The following NBAS variants were observed in gnomAD, a reference collection of about 807,000 sequenced individuals.
NBAS encodes NBAS subunit of NRZ tethering complex.
NBAS carries 219 observed loss-of-function variants against 302.5 expected under a neutral mutation model. That is an observed-to-expected ratio of 0.72 (90% CI 0.65 to 0.81). The LOEUF (loss-of-function observed/expected upper bound fraction) is 0.81, where lower values mean the gene tolerates loss of function less well. Ranked by LOEUF, NBAS falls within the 30% of genes least tolerant of loss-of-function variation. NBAS has a pLI of 0.00. For missense variants in NBAS, 2,932 were observed against 2,841.6 expected (o/e 1.03, Z -0.72); for synonymous variants, 1,118 against 1,021.6 (o/e 1.09, Z -1.80).
chr2:15,037,379 C>G, the NBAS span, among the ~76,000 whole-genome samples: 11 of 151,358 alleles, frequency 7.3e-5, no homozygotes, highest in African/African-American at 2.4e-4. Flanking sequence ...GGTACTACCA[C>G]TGCCGACAGA....
At chr2:15,312,668 T>G (rs1671332948) in intron 38 of NBAS, among the ~76,000 whole-genome samples, 1 of 152,212 alleles carries the variant, frequency 6.6e-6, no homozygotes, top group African/African-American at 2.4e-5. Context: ...TACCAACTCC[T>G]TGTTGGACAC....
At chr2:14,975,557 C>T in the NBAS span, among the ~76,000 whole-genome samples, 1 of 152,142 alleles carries the variant, frequency 6.6e-6, no homozygotes, top group Non-Finnish European at 1.5e-5. Context: ...GAGCTTCTGC[C>T]ACCCTGTTCA....
intron 51 of NBAS, chr2:15,178,270 A>C: frequency 7.4e-6 from 3 of 408,088 alleles, no homozygotes; most frequent in South Asian, 5.7e-5. Context: ...TATAGTGTAC[A>C]TACTCAAACA....
At position 15,296,069 on chromosome 2, in the gene NBAS, C is replaced by T. The variant is rs1429413998; in HGVS notation, c.4798-3303G>A. On this transcript the variant is annotated intron_variant, in intron 40 of 51. Coordinates refer to ENST00000281513, the MANE Select transcript of NBAS (RefSeq NM_015909.4). ...CACATAAACAATTCACAGAAGGCAT[C>T]CAAATATAAGCAGACTTACACAATC... is the stretch of plus-strand genomic sequence containing the variant. Among the ~76,000 whole-genome samples the T allele has an allele frequency of 3.9e-5, 6 of 152,118 alleles. No individual in the cohort carries two copies. The East Asian group carries it at 1.2e-3, about 29-fold the overall frequency.
chr2:15,532,619 A>G (rs1663278810), intron 9 of NBAS, among the ~76,000 whole-genome samples: 1 of 152,094 alleles, frequency 6.6e-6, no homozygotes, highest in Non-Finnish European at 1.5e-5. Context: ...ATCTTCCACA[A>G]AGGGAAGTAA....
the NBAS span, among the ~76,000 whole-genome samples, chr2:14,864,142 C>A: frequency 1.3e-5 from 2 of 151,842 alleles, no homozygotes; most frequent in African/African-American, 4.8e-5. Context: ...CATGGTGAAA[C>A]CCCGTCTCTA....
In NBAS at chr2:15,556,871, A is replaced by AT. The variant is rs753412401; in HGVS notation, c.173-53dup. The AT allele has an allele frequency of 9.3e-6, 13 of 1,398,972 alleles. No homozygotes were observed. In the South Asian group the frequency reaches 1.4e-4, roughly 15 times the overall value. The allele number at this position is 1,398,972 out of a possible 1,614,324, so 86.7% of individuals were successfully genotyped here. A position where few individuals can be genotyped will look rare whatever the true frequency, so the allele number is the denominator to read the frequency against. Reference sequence around the variant, plus strand: ...AAATATAAATCAGCTGTTAAGAATCATTTTCAAATTAGATTTATAGATGAG... The same window carrying AT: ...AAATATAAATCAGCTGTTAAGAATCATTTTTCAAATTAGATTTATAGATGAG... On this transcript the variant is annotated intron_variant, in intron 2 of 51. Transcript: ENST00000281513.
intron 50 of NBAS, among the ~76,000 whole-genome samples, chr2:15,184,777 A>G (rs1664998407): frequency 1.3e-5 from 2 of 152,196 alleles, no homozygotes; most frequent in African/African-American, 4.8e-5. Flanking sequence ...TTGATTAGCT[A>G]GCTGGTGAGA....
intron 48 of NBAS, among the ~76,000 whole-genome samples, chr2:15,200,910 A>G (rs982296089): frequency 6.6e-6 from 1 of 152,200 alleles, no homozygotes; most frequent in African/African-American, 2.4e-5. Flanking sequence ...ATCTTCCTAC[A>G]GGTATTGACA....
intron 9 of NBAS, among the ~76,000 whole-genome samples, chr2:15,516,132 G>A (rs371824171): frequency 2.0e-5 from 3 of 152,072 alleles, no homozygotes; most frequent in Non-Finnish European, 1.5e-5. Flanking sequence ...GAATGAAGAC[G>A]GAGAGATACT....
intron 51 of NBAS, chr2:15,178,170 T>C (rs201837045): frequency 2.7e-4 from 125 of 470,250 alleles, no homozygotes; most frequent in Non-Finnish European, 4.9e-4. Flanking sequence ...GCCACATTTT[T>C]GTTTAAAAAA....
intron 23 of NBAS, among the ~76,000 whole-genome samples, chr2:15,423,481 A>G (rs1677308002): frequency 6.6e-6 from 1 of 152,204 alleles, no homozygotes; most frequent in South Asian, 2.1e-4. Context: ...CATTTTATTT[A>G]TTTATTTTTA....
chr2:15,475,394 C>T (rs1680145001), intron 14 of NBAS, among the ~76,000 whole-genome samples: 2 of 152,106 alleles, frequency 1.3e-5, no homozygotes, highest in East Asian at 3.9e-4. Flanking sequence ...TTCTTAGGTA[C>T]TGATACCATT....
At chr2:15,231,760 C>T (rs964484778) in intron 47 of NBAS, among the ~76,000 whole-genome samples, 3 of 152,074 alleles carry the variant, frequency 2.0e-5, no homozygotes, top group African/African-American at 7.2e-5. Flanking sequence ...TCAAACCCAT[C>T]TTCATTATAT....
At chr2:15,126,489 G>T in the NBAS span, among the ~76,000 whole-genome samples, 1 of 152,146 alleles carries the variant, frequency 6.6e-6, no homozygotes. Context: ...TCTCAGGGGG[G>T]CATGAGGCTT....
the NBAS span, among the ~76,000 whole-genome samples, chr2:14,919,695 G>C: frequency 6.6e-6 from 1 of 152,104 alleles, no homozygotes; most frequent in Non-Finnish European, 1.5e-5. Flanking sequence ...ATAGCATCCT[G>C]ACCAGGAGTA....
At chr2:15,489,639 GA>G (rs1210422319) in intron 11 of NBAS, among the ~76,000 whole-genome samples, 2 of 152,178 alleles carry the variant, frequency 1.3e-5, no homozygotes, top group Non-Finnish European at 2.9e-5. Context: ...TGTTACTACA[GA>G]ACAAAGAAAT....
At chr2:15,500,004 T>C (rs542822692) in intron 11 of NBAS, among the ~76,000 whole-genome samples, 98 of 152,282 alleles carry the variant, frequency 6.4e-4, no homozygotes, top group African/African-American at 1.8e-3. Flanking sequence ...AAAAATACTA[T>C]TAAATCCTTC....
chr2:15,431,606 C>T (rs1213489770), intron 21 of NBAS, among the ~76,000 whole-genome samples: 1 of 151,918 alleles, frequency 6.6e-6, no homozygotes, highest in Non-Finnish European at 1.5e-5. Flanking sequence ...TTAAAATGAT[C>T]TCATGGATAT....
Sources: gnomAD v4.1 joint callset for allele counts (sites outside exome capture counted in the v4.1 genomes callset) on GRCh38, gnomAD v4.1.1 for gene constraint, MANE v1.5 for transcripts, NCBI Gene and HGNC (gene_info 2026-07-23, HGNC 2026-07-21) for gene names.